ASAP2: variants seen among roughly 807,000 people sequenced by gnomAD.
The protein encoded by ASAP2 is ArfGAP with SH3 domain, ankyrin repeat and PH domain 2.
ASAP2 carries 45 observed loss-of-function variants against 131.4 expected under a neutral mutation model. The ratio of observed to expected loss-of-function variants is 0.34; its 90% confidence interval spans 0.27 to 0.44. The LOEUF is 0.44. Ranked by LOEUF, ASAP2 falls within the 20% of genes least tolerant of loss-of-function variation. The pLI, the probability that ASAP2 is intolerant of heterozygous loss-of-function variation, is 1.00. For synonymous variants in ASAP2, 510 were observed against 503.0 expected, an observed-to-expected ratio of 1.01 and a Z score of -0.19; for missense variants, 1,011 against 1,297.0, an observed-to-expected ratio of 0.78 and a Z score of 3.39.
chr2:9,327,778 C>T, intron 6 of ASAP2, 48 bp from the exon 7 acceptor site: 2 of 1,427,354 alleles, frequency 1.4e-6, no homozygotes. Context: ...TCCTTTTAAA[C>T]TCGTATTCTG....
intron 3 of ASAP2, among the ~76,000 whole-genome samples, chr2:9,312,826 T>TC (rs1485164255): frequency 7.9e-5 from 12 of 152,140 alleles, no homozygotes; most frequent in Admixed American, 7.9e-4. Flanking sequence ...CACATGTGGC[T>TC]CCTTTACAGT....
chr2:9,365,201 T>C (rs1038996637), intron 15 of ASAP2, among the ~76,000 whole-genome samples: 2 of 152,220 alleles, frequency 1.3e-5, no homozygotes, highest in African/African-American at 4.8e-5. Context: ...TTTTGTGCTC[T>C]TTGCTTTGGA....
chr2:9,301,932 T>A (rs1572392315), intron 3 of ASAP2, among the ~76,000 whole-genome samples: 1 of 150,292 alleles, frequency 6.7e-6, no homozygotes, highest in African/African-American at 2.5e-5. Context: ...CATGCCATTC[T>A]CCTGCCTCAG....
rs150628027 is a variant in ASAP2, at chr2:9,323,202, C to G, written c.552C>G (p.Ala184=). The G allele has an allele frequency of 6.2e-7, 1 of 1,614,202 alleles. No homozygotes were observed. The highest frequency in any genetic ancestry group is 8.5e-7 in the Non-Finnish European group (1 of 1,180,042). The change falls in exon 6 of 28, where the codon GCC becomes GCG. Residue 184 remains alanine, a synonymous_variant. Transcript: ENST00000281419. ...CTGAAATAAGCGGAGCGGAAATTGC[C>G]GAAGAGATGGAAAAGGAGAGGCGCT... The part of the protein sequence containing the change: ...IRTEISGAEI[A]EEMEKERRFF...
rs1386748262 is a variant in ASAP2 at position 9,393,495 on chromosome 2, C to G, written c.2532C>G (p.Pro844=). ...LRVTSTNPLT[P]TPPPPVAKTP... ...TGTCCTCCGCAGATCCCCTGACCCC[C>G]ACGCCGCCCCCACCCGTTGCCAAGA... is the stretch of plus-strand genomic sequence containing the variant. The change falls in exon 24 of 28, where the codon CCC becomes CCG. Residue 844 remains proline, a synonymous_variant. Coordinates refer to ENST00000281419, the MANE Select transcript of ASAP2 (RefSeq NM_003887.3). The G allele has an allele frequency of 3.1e-6, 5 of 1,606,738 alleles. No homozygotes were observed. Among genetic ancestry groups the G allele is most frequent in the Non-Finnish European group, 4.2e-6 (5 of 1,177,138 alleles).
intron 15 of ASAP2, among the ~76,000 whole-genome samples, chr2:9,367,769 A>G (rs1314245586): frequency 1.3e-5 from 2 of 152,258 alleles, no homozygotes; most frequent in African/African-American, 4.8e-5. Flanking sequence ...CTCAAAAAAA[A>G]GAATGTGTTA....
rs143782203 is a variant in ASAP2, at chr2:9,227,267, G to C, written c.126+20037G>C. 4.5e-3 allele frequency among the ~76,000 whole-genome samples: 691 copies of C among 152,302 alleles called. 4 individuals are homozygous for C. Among genetic ancestry groups the C allele is most frequent in the African/African-American group, 0.016 (658 of 41,558 alleles). The stretch of plus-strand genomic sequence containing the variant: ...CCCCAATCCTAAGGGCATGTGCTCT[G>C]TGAAGTGGGGGACTTGGGGTTGTGC... On this transcript the variant is annotated intron_variant, in intron 1 of 27. Coordinates refer to ENST00000281419, the MANE Select transcript of ASAP2 (RefSeq NM_003887.3).
chr2:9,376,372 C>G (rs745692334), intron 17 of ASAP2, among the ~76,000 whole-genome samples: 6 of 152,258 alleles, frequency 3.9e-5, no homozygotes, highest in Non-Finnish European at 7.3e-5. Flanking sequence ...TCTTCTCCCC[C>G]ACCTGCCAGG....
intron 9 of ASAP2, among the ~76,000 whole-genome samples, chr2:9,336,303 C>G (rs982796378): frequency 7.1e-6 from 1 of 140,822 alleles, no homozygotes; most frequent in Non-Finnish European, 1.6e-5. Context: ...CCCTCCCTTT[C>G]TCTCCCCTGA....
intron 3 of ASAP2, among the ~76,000 whole-genome samples, chr2:9,298,509 C>T (rs1412347386): frequency 2.0e-5 from 3 of 152,216 alleles, no homozygotes; most frequent in Non-Finnish European, 2.9e-5. Context: ...AATTTGAAAT[C>T]CCCTGGGGCT....
At position 9,335,131 on chromosome 2, in the gene ASAP2, A is replaced by T; in HGVS notation, c.801A>T (p.Ile267=). ...QAQDEERRQL[I]QLRDILKSAL... Reference sequence around the variant, plus strand: ...AGGATGAAGAAAGAAGGCAGTTGATACAGCTTCGAGATATTTTGAAATCCG... The same window carrying T: ...AGGATGAAGAAAGAAGGCAGTTGATTCAGCTTCGAGATATTTTGAAATCCG... The change falls in exon 9 of 28, where the codon ATA becomes ATT. Residue 267 remains isoleucine, a synonymous_variant. Coordinates refer to ENST00000281419, the MANE Select transcript of ASAP2 (RefSeq NM_003887.3). 6.2e-7 allele frequency: 1 copy of T among 1,614,186 alleles called. No individual in the cohort carries two copies. Among genetic ancestry groups the T allele is most frequent in the Non-Finnish European group, 8.5e-7 (1 of 1,180,030 alleles).
intron 22 of ASAP2, 149 bp from the exon 23 acceptor site, chr2:9,390,913 T>G: frequency 8.5e-7 from 1 of 1,169,720 alleles, no homozygotes. Context: ...GAGACAGGAG[T>G]AAAAGCATTG....
intron 3 of ASAP2, among the ~76,000 whole-genome samples, chr2:9,302,988 T>A (rs1668596016): frequency 6.6e-6 from 1 of 152,188 alleles, no homozygotes. Context: ...AGGTTAAGTG[T>A]GAGCTGATTG....
In ASAP2 at chr2:9,206,871, C is replaced by A. The variant is rs1661139127; in HGVS notation, c.-234C>A. ...TCGCTCTGAGAGGACGCGGCGGCAG[C>A]GGACTCGGAGCCCTCGGCGCGCAGG... On this transcript the variant is annotated 5_prime_UTR_variant, in exon 1 of 28. Coordinates refer to ENST00000281419, the MANE Select transcript of ASAP2 (RefSeq NM_003887.3). This position sits in a 1 kb window ranked among gnomAD's most constrained non-coding sequence, Gnocchi z 4.0. The A allele has an allele frequency of 1.2e-5, 2 of 163,056 alleles. No individual in the cohort carries two copies. Among genetic ancestry groups the A allele is most frequent in the Non-Finnish European group, 2.5e-5 (2 of 81,126 alleles). 10.1% of individuals were successfully genotyped at this position (163,056 alleles called of 1,614,324 possible).
chr2:9,313,730 G>A (rs1437329401), intron 3 of ASAP2, among the ~76,000 whole-genome samples: 2 of 152,126 alleles, frequency 1.3e-5, no homozygotes, highest in East Asian at 3.9e-4. Flanking sequence ...GTAGATGAGT[G>A]GGCAGTGAGC....
rs147689470 is a variant in ASAP2, at chr2:9,251,501, C to T, written c.127-27816C>T. Among the ~76,000 whole-genome samples the T allele has an allele frequency of 1.7e-3, 252 of 152,238 alleles. 2 individuals are homozygous for T. Among genetic ancestry groups the T allele is most frequent in the African/African-American group, 5.6e-3 (233 of 41,536 alleles). The stretch of plus-strand genomic sequence containing the variant: ...AGAACAGCTAATCCCTGATGTCCGT[C>T]GGGTGGGTTTTGTATGCTTAATAAG... On this transcript the variant is annotated intron_variant, in intron 1 of 27. Coordinates refer to ENST00000281419, the MANE Select transcript of ASAP2 (RefSeq NM_003887.3).
At chr2:9,278,969 A>T (rs998850556) in intron 1 of ASAP2, among the ~76,000 whole-genome samples, 1 of 152,228 alleles carries the variant, frequency 6.6e-6, no homozygotes, top group African/African-American at 2.4e-5. Context: ...CTGGTAACCA[A>T]GGAGAACGGA....
chr2:9,231,633 G>C (rs1359243790), intron 1 of ASAP2, among the ~76,000 whole-genome samples: 1 of 152,180 alleles, frequency 6.6e-6, no homozygotes, highest in Non-Finnish European at 1.5e-5. Flanking sequence ...CCCTGTTCTT[G>C]CTCATAGACT....
chr2:9,211,958 G>C lies in ASAP2; in HGVS notation c.126+4728G>C, dbSNP rs534985814. 2.7e-4 allele frequency among the ~76,000 whole-genome samples: 41 copies of C among 152,286 alleles called. No individual in the cohort carries two copies. The South Asian group carries it at 8.1e-3, about 30-fold the overall frequency. On this transcript the variant is annotated intron_variant, in intron 1 of 27. Transcript: ENST00000281419. The stretch of plus-strand genomic sequence containing the variant: ...GTCAAACAGGGCCACCTTTTAAACT[G>C]TGTTCTGAAATTTGAATTTCAGAAA...
Sources: allele counts gnomAD v4.1 joint callset (sites outside exome capture counted in the v4.1 genomes callset), GRCh38; gene constraint gnomAD v4.1.1; non-coding constraint Gnocchi (gnomAD v3.1); transcripts MANE v1.5; gene names NCBI Gene and HGNC (gene_info 2026-07-23, HGNC 2026-07-21).